The following TTLL9 variants were observed in gnomAD, a reference collection of about 807,000 sequenced individuals.
TTLL9 encodes tubulin tyrosine ligase like 9.
In TTLL9, 47 loss-of-function variants were observed where a neutral mutation model predicts 65.6. The ratio of observed to expected loss-of-function variants is 0.72; its 90% CI spans 0.57 to 0.91. The LOEUF is 0.91. TTLL9 is among the 40% of genes least tolerant of loss of function. The pLI, the probability that TTLL9 is intolerant of heterozygous loss-of-function variation, is 0.00. For synonymous variants in TTLL9, 179 were observed against 204.8 expected (o/e 0.87, Z 1.07); for missense variants, 537 against 568.8 (o/e 0.94, Z 0.57).
intron 10 of TTLL9, among the ~76,000 whole-genome samples, chr20:31,929,462 TG>T (rs1408014194): frequency 6.6e-6 from 1 of 152,230 alleles, no homozygotes; most frequent in African/African-American, 2.4e-5. Context: ...CTTACTATTT[TG>T]GTGTATTTCC....
intron 3 of TTLL9, among the ~76,000 whole-genome samples, chr20:31,894,711 A>G (rs1472833226): frequency 6.9e-6 from 1 of 145,928 alleles, no homozygotes; most frequent in Non-Finnish European, 1.5e-5. Context: ...ATATATATAT[A>G]CATGTATATA....
At chr20:31,871,395 T>G (rs779800959) in intron 2 of TTLL9, among the ~76,000 whole-genome samples, 200 bp downstream of exon 2, 16 of 152,172 alleles carry the variant, frequency 1.1e-4, no homozygotes, top group Admixed American at 3.9e-4. Context: ...CTGAGGATGT[T>G]GAGGTGAGCC....
At chr20:31,896,531 T>C (rs2063391628) in intron 3 of TTLL9, among the ~76,000 whole-genome samples, 1 of 152,112 alleles carries the variant, frequency 6.6e-6, no homozygotes, top group East Asian at 1.9e-4. Flanking sequence ...TTTTTTTTGT[T>C]GTTGTTTTGG....
At chr20:31,877,954 G>A (rs765077317) in intron 2 of TTLL9, among the ~76,000 whole-genome samples, 1 of 152,104 alleles carries the variant, frequency 6.6e-6, no homozygotes, top group Non-Finnish European at 1.5e-5. Context: ...TTTTCTCTAT[G>A]AGAATATAAA....
rs955089764 is a variant in TTLL9 at position 31,919,802 on chromosome 20, C to T, written c.505-62C>T. The T allele has an allele frequency of 2.5e-5, 34 of 1,375,120 alleles. 1 individual carries two copies. The highest frequency in any genetic ancestry group is 9.0e-5 in the African/African-American group (6 of 66,798). 85.2% of individuals were successfully genotyped at this position (1,375,120 alleles called of 1,614,324 possible). ...ATATGCTGGGGAGAGCCCCCAGCCA[C>T]GGGGGCCAACAAGGAACCACGCAGA... On this transcript the variant is annotated intron_variant, in intron 6 of 14. Coordinates refer to ENST00000535842, the MANE Select transcript of TTLL9 (RefSeq NM_001008409.5).
At chr20:31,883,342 T>C (rs958961421) in intron 2 of TTLL9, among the ~76,000 whole-genome samples, 6 of 152,010 alleles carry the variant, frequency 3.9e-5, no homozygotes, top group African/African-American at 1.4e-4. Flanking sequence ...GGATTACAGT[T>C]CCTCGCCACC....
At chr20:31,931,068 T>A (rs2064000161) in intron 10 of TTLL9, among the ~76,000 whole-genome samples, 1 of 142,586 alleles carries the variant, frequency 7.0e-6, no homozygotes, top group Admixed American at 7.4e-5. Flanking sequence ...TGCCCCAGCA[T>A]CCTCTTTTCC....
At position 31,944,330 on chromosome 20, in the gene TTLL9, C is replaced by T. The variant is rs2064278253; in HGVS notation, c.*1309C>T. 1 of 157,074 alleles carries T rather than the reference C, an allele frequency of 6.4e-6. No individual in the cohort carries two copies. 9.7% of individuals were successfully genotyped at this position (157,074 alleles called of 1,614,324 possible). ...TGAATCAGGCAGTCACACTGGACAA[C>T]ATCTAGCAAGGTGAATTCTGCAACT... On this transcript the variant is annotated 3_prime_UTR_variant, in exon 15 of 15. Coordinates refer to ENST00000535842, the MANE Select transcript of TTLL9 (RefSeq NM_001008409.5).
rs35047352 is a variant in TTLL9 at position 31,880,852 on chromosome 20, CT to C, written c.70-6324del. Among the ~76,000 whole-genome samples, 349 of 108,252 alleles carry C rather than the reference CT, an allele frequency of 3.2e-3. 2 individuals are homozygous for C. Among genetic ancestry groups the C allele is most frequent in the Middle Eastern group, 0.021 (3 of 142 alleles). The allele number at this position is 108,252 out of a possible 152,430, so 71.0% of individuals were successfully genotyped here. A position where few individuals can be genotyped will look rare whatever the true frequency, so the allele number is the denominator to read the frequency against. ...CACCTTCATTTCTCTTCTTTCTTTC[CT>C]TTTTTTTTTTTTTTTTTTTGAGACA... On this transcript the variant is annotated intron_variant, in intron 2 of 14. Transcript: ENST00000535842.
intron 8 of TTLL9, among the ~76,000 whole-genome samples, chr20:31,923,978 C>T (rs1452833107): frequency 1.3e-5 from 2 of 152,188 alleles, no homozygotes; most frequent in Non-Finnish European, 2.9e-5. Flanking sequence ...CTGCCAACCA[C>T]TCAAACCCAA....
intron 10 of TTLL9, among the ~76,000 whole-genome samples, chr20:31,927,403 C>T (rs1206310849): frequency 2.0e-5 from 3 of 149,460 alleles, no homozygotes; most frequent in African/African-American, 7.4e-5. Context: ...ATCCCTTGAA[C>T]CTGGGAGGCG....
chr20:31,879,690 A>C, intron 2 of TTLL9: 1 of 824,630 alleles, frequency 1.2e-6, no homozygotes, highest in East Asian at 2.8e-5. Flanking sequence ...CGGGGGACCT[A>C]GGCTGCCAGG....
chr20:31,937,582 C>T, intron 13 of TTLL9, 73 bp downstream of exon 13: 5 of 1,267,460 alleles, frequency 3.9e-6, no homozygotes, highest in Non-Finnish European at 5.5e-6. Context: ...AGAGGGGGAG[C>T]TTAGAACCTT....
In TTLL9 at chr20:31,943,613, C is replaced by T; in HGVS notation, c.*592C>T. 2.5e-6 allele frequency: 1 copy of T among 397,022 alleles called. No homozygotes were observed. 24.6% of individuals were successfully genotyped at this position (397,022 alleles called of 1,614,324 possible). ...CTTCTCCTTGCATGTCAGGGGAGCC[C>T]ATGGGGCTCCCTGACCATCATCTGA... On this transcript the variant is annotated 3_prime_UTR_variant, in exon 15 of 15. Transcript: ENST00000535842.
At chr20:31,888,879 A>G (rs2123422600) in intron 3 of TTLL9, among the ~76,000 whole-genome samples, 1 of 152,270 alleles carries the variant, frequency 6.6e-6, no homozygotes, top group Admixed American at 6.5e-5. Context: ...CTTATCACCA[A>G]GGGGATGTTG....
At chr20:31,873,164 G>A (rs80156554) in intron 2 of TTLL9, 1 of 389,500 alleles carries the variant, frequency 2.6e-6, no homozygotes, top group Non-Finnish European at 5.1e-6. Context: ...GACTGGATGT[G>A]GGGGGAAGGA....
At chr20:31,874,180 A>G (rs550163931) in intron 2 of TTLL9, among the ~76,000 whole-genome samples, 1 of 152,366 alleles carries the variant, frequency 6.6e-6, no homozygotes, top group East Asian at 1.9e-4. Flanking sequence ...ATCTGTCTTA[A>G]ATCATGAAAT....
chr20:31,875,215 T>C (rs2063021334), intron 2 of TTLL9, among the ~76,000 whole-genome samples: 2 of 152,088 alleles, frequency 1.3e-5, no homozygotes, highest in Non-Finnish European at 2.9e-5. Context: ...AGTTTCATCA[T>C]CTATGAAATA....
intron 9 of TTLL9, chr20:31,925,812 G>A: frequency 1.4e-6 from 2 of 1,453,606 alleles, no homozygotes; most frequent in East Asian, 4.9e-5. Context: ...GCTAGGCGGT[G>A]TGAGAGTGCC....
Sources: allele counts gnomAD v4.1 joint callset (sites outside exome capture counted in the v4.1 genomes callset), GRCh38; gene constraint gnomAD v4.1.1; transcripts MANE v1.5; gene names NCBI Gene and HGNC (gene_info 2026-07-23, HGNC 2026-07-21).